Variants in MAPRE2 observed in about 807,000 individuals in gnomAD.
MAPRE2 encodes microtubule associated protein RP/EB family member 2.
In MAPRE2, 13 loss-of-function variants were observed where a neutral mutation model predicts 43.2. The observed-to-expected ratio is 0.30, with a 90% CI of 0.20 to 0.48. The LOEUF (loss-of-function observed/expected upper bound fraction) is 0.48, where lower values mean the gene tolerates loss of function less well. Ranked by LOEUF, MAPRE2 falls within the 20% of genes least tolerant of loss-of-function variation. The pLI, the probability that MAPRE2 is intolerant of heterozygous loss-of-function variation, is 0.99. For missense variants in MAPRE2, 161 were observed against 400.2 expected (o/e 0.40, Z 5.10); for synonymous variants, 135 against 148.8 (o/e 0.91, Z 0.68).
chr18:35,141,557 G>A lies in MAPRE2; in HGVS notation c.*1188G>A, dbSNP rs1369955016. The A allele has an allele frequency of 2.0e-5, 3 of 152,088 alleles. No individual in the cohort carries two copies. Among genetic ancestry groups the A allele is most frequent in the African/African-American group, 7.2e-5 (3 of 41,404 alleles). 9.4% of individuals were successfully genotyped at this position (152,088 alleles called of 1,614,324 possible). ...TGTCATTGACCTTAGCTAAACCATG[G>A]CAATTCATAAATAGAGGAAACATTA... On this transcript the variant is annotated 3_prime_UTR_variant, in exon 7 of 7. Coordinates refer to ENST00000300249, the MANE Select transcript of MAPRE2 (RefSeq NM_014268.4).
intron 1 of MAPRE2, among the ~76,000 whole-genome samples, chr18:35,063,701 C>T (rs1476228172): frequency 6.6e-6 from 1 of 151,830 alleles, no homozygotes; most frequent in Non-Finnish European, 1.5e-5. Flanking sequence ...GATATAAAAA[C>T]AAAAAAGTCA....
intron 1 of MAPRE2, among the ~76,000 whole-genome samples, chr18:34,985,128 T>A (rs1322255091): frequency 1.2e-5 from 1 of 83,394 alleles, no homozygotes; most frequent in Non-Finnish European, 2.0e-5. Context: ...CTATATTATA[T>A]ATAAATATAT....
At chr18:35,076,840 A>G (rs377530056) in intron 2 of MAPRE2, among the ~76,000 whole-genome samples, 7 of 152,188 alleles carry the variant, frequency 4.6e-5, no homozygotes, top group African/African-American at 1.7e-4. Context: ...ACTTTTAAAT[A>G]CTAAAGCCAA....
chr18:35,026,553 AG>A (rs1209605636), intron 2 of MAPRE2, among the ~76,000 whole-genome samples: 1 of 152,008 alleles, frequency 6.6e-6, no homozygotes, highest in Non-Finnish European at 1.5e-5. Flanking sequence ...CCATGAAAAC[AG>A]GCGCAGTCTG....
chr18:35,123,380 C>T (rs192764121), intron 4 of MAPRE2, among the ~76,000 whole-genome samples: 60 of 152,260 alleles, frequency 3.9e-4, no homozygotes, highest in East Asian at 1.7e-3. Context: ...GTTATTGCAA[C>T]GACTTTTTTG....
Position 35,141,726 on chromosome 18 carries a change from G to C in MAPRE2, c.*1357G>C, listed in dbSNP as rs1910653062. On this transcript the variant is annotated 3_prime_UTR_variant, in exon 7 of 7. Coordinates refer to ENST00000300249, the MANE Select transcript of MAPRE2 (RefSeq NM_014268.4). Reference sequence around the variant, plus strand: ...CTTCCTGGATCATTCATTTCACCTTGGTTTCTAACTTTAGGTTTACTTTCA... The same window carrying C: ...CTTCCTGGATCATTCATTTCACCTTCGTTTCTAACTTTAGGTTTACTTTCA... The C allele has an allele frequency of 6.6e-6, 1 of 151,138 alleles. No homozygotes were observed. The highest frequency in any genetic ancestry group is 6.6e-5 in the Admixed American group (1 of 15,186). 9.4% of individuals were successfully genotyped at this position (151,138 alleles called of 1,614,324 possible). A position where few individuals can be genotyped will look rare whatever the true frequency, so the allele number is the denominator to read the frequency against.
Position 34,989,141 on chromosome 18 carries a change from G to A in MAPRE2, c.-70+12062G>A, listed in dbSNP as rs369399267. 1.1e-4 allele frequency among the ~76,000 whole-genome samples: 17 copies of A among 152,228 alleles called. 1 individual carries two copies. The highest frequency in any genetic ancestry group is 4.6e-4 in the Admixed American group (7 of 15,290). ...GTGAGAGCCCAAACCAAAAAAGGAAGGAGGGGAGTGGGAGGAAGTACTCCT... is the reference window on the plus strand; with the variant it reads ...GTGAGAGCCCAAACCAAAAAAGGAAAGAGGGGAGTGGGAGGAAGTACTCCT... On this transcript the variant is annotated intron_variant, in intron 1 of 7. Transcript: ENST00000413393.
rs67933808 is a variant in MAPRE2 at position 34,998,772 on chromosome 18, A to ATTTTTTTTT, written c.-69-6700_-69-6692dup. On this transcript the variant is annotated intron_variant, in intron 1 of 7. Coordinates refer to the MAPRE2 transcript ENST00000413393. ...GCCACTGAGCCTGGCCGAAGTTGCAATTTTTTTTTTTTTTTTTTTTTTTTT... is the reference window on the plus strand; with the variant it reads ...GCCACTGAGCCTGGCCGAAGTTGCAATTTTTTTTTTTTTTTTTTTTTTTTTTTTTTTTTT... Among the ~76,000 whole-genome samples the ATTTTTTTTT allele has an allele frequency of 1.0e-3, 97 of 93,724 alleles. 5 individuals are homozygous for ATTTTTTTTT. The highest frequency in any genetic ancestry group is 3.0e-3 in the African/African-American group (60 of 20,166). The allele number at this position is 93,724 out of a possible 152,430, so 61.5% of individuals were successfully genotyped here. A position where few individuals can be genotyped will look rare whatever the true frequency, so the allele number is the denominator to read the frequency against.
intron 6 of MAPRE2, among the ~76,000 whole-genome samples, chr18:35,136,684 C>G (rs1354206100): frequency 6.6e-6 from 1 of 152,174 alleles, no homozygotes; most frequent in African/African-American, 2.4e-5. Flanking sequence ...GGAGACAAGG[C>G]TGCAGGGTGG....
intron 4 of MAPRE2, among the ~76,000 whole-genome samples, chr18:35,117,083 C>T (rs1316720798): frequency 3.3e-5 from 5 of 151,996 alleles, no homozygotes; most frequent in African/African-American, 9.7e-5. Flanking sequence ...AGTAGCCATG[C>T]GGGTGATGGA....
At chr18:35,010,071 T>A (rs1353130191) in intron 2 of MAPRE2, among the ~76,000 whole-genome samples, 1 of 151,702 alleles carries the variant, frequency 6.6e-6, no homozygotes, top group Non-Finnish European at 1.5e-5. Flanking sequence ...ACAGTAACAA[T>A]TTTTTAATTT....
At chr18:35,138,072 C>T (rs1910468568) in intron 6 of MAPRE2, among the ~76,000 whole-genome samples, 1 of 152,188 alleles carries the variant, frequency 6.6e-6, no homozygotes, top group Non-Finnish European at 1.5e-5. Flanking sequence ...TGTATGGCCA[C>T]ACTGTTGGTG....
chr18:35,034,778 C>T lies in MAPRE2; in HGVS notation c.-8+29225C>T, dbSNP rs141774373. 3.0e-4 allele frequency among the ~76,000 whole-genome samples: 45 copies of T among 152,302 alleles called. No homozygotes were observed. In the East Asian group the frequency reaches 7.9e-3, roughly 27 times the overall value. On this transcript the variant is annotated intron_variant, in intron 2 of 7. Coordinates refer to the MAPRE2 transcript ENST00000413393. Reference sequence around the variant, plus strand: ...ATGAAAAAATGCTCACCATCACTGGCCATCACAGAAATGCAAATCAAAACC... The same window carrying T: ...ATGAAAAAATGCTCACCATCACTGGTCATCACAGAAATGCAAATCAAAACC...
intron 2 of MAPRE2, among the ~76,000 whole-genome samples, chr18:35,077,345 T>C (rs1376858170): frequency 6.6e-6 from 1 of 152,062 alleles, no homozygotes; most frequent in East Asian, 1.9e-4. Flanking sequence ...TCCCCATATG[T>C]GAGAAATTCC....
intron 2 of MAPRE2, among the ~76,000 whole-genome samples, chr18:35,027,067 T>C (rs1309065500): frequency 6.6e-6 from 1 of 152,220 alleles, no homozygotes; most frequent in Non-Finnish European, 1.5e-5. Context: ...CATTCTTTTC[T>C]TCCTCTCTTG....
At chr18:35,066,825 A>C (rs1270602944) in intron 1 of MAPRE2, among the ~76,000 whole-genome samples, 1 of 152,228 alleles carries the variant, frequency 6.6e-6, no homozygotes, top group Middle Eastern at 3.2e-3. Context: ...ATTGGGAGCA[A>C]AGACAGCCAC....
At chr18:35,070,715 C>T (rs1907074906) in intron 2 of MAPRE2, 1 of 154,268 alleles carries the variant, frequency 6.5e-6, no homozygotes, top group Admixed American at 6.5e-5. Context: ...AAACTTCAAA[C>T]TCTTTTCATA....
At chr18:35,134,529 A>G (rs1164400823) in intron 6 of MAPRE2, among the ~76,000 whole-genome samples, 1 of 152,246 alleles carries the variant, frequency 6.6e-6, no homozygotes, top group East Asian at 1.9e-4. Flanking sequence ...TATCTAACTC[A>G]GAGGCTAAAA....
At chr18:35,095,985 CTA>C (rs1908398502) in intron 2 of MAPRE2, among the ~76,000 whole-genome samples, 1 of 152,118 alleles carries the variant, frequency 6.6e-6, no homozygotes. Context: ...TCGTTATGGC[CTA>C]TGTTTTATCA....
Sources: gnomAD v4.1 joint callset for allele counts (sites outside exome capture counted in the v4.1 genomes callset) on GRCh38, gnomAD v4.1.1 for gene constraint, MANE v1.5 for transcripts, NCBI Gene and HGNC (gene_info 2026-07-23, HGNC 2026-07-21) for gene names.